The following RTTN variants were observed in gnomAD, a reference collection of about 807,000 sequenced individuals.
RTTN encodes rotatin.
RTTN carries 182 observed loss-of-function variants against 269.2 expected under a neutral mutation model. The observed-to-expected ratio is 0.68, with a 90% CI of 0.60 to 0.76. RTTN has a LOEUF of 0.76. Among genes scored for constraint, RTTN ranks in the 30% least tolerant of loss-of-function variants. The probability of loss-of-function intolerance (pLI) is 0.00; values close to 1 mark genes in which losing one functional copy is unlikely to be tolerated. For synonymous variants in RTTN, 1,006 were observed against 963.5 expected (o/e 1.04, Z -0.82); for missense variants, 2,545 against 2,608.6 (o/e 0.98, Z 0.53).
chr18:70,197,580 A>T, intron 6 of RTTN, 44 bp downstream of exon 6: 1 of 1,280,632 alleles, frequency 7.8e-7, no homozygotes, highest in South Asian at 1.2e-5. Context: ...TATTGCAAAA[A>T]GTTCTCTAGT....
At chr18:70,190,922 T>TCATG (rs1444858430) in intron 8 of RTTN, among the ~76,000 whole-genome samples, 1 of 152,140 alleles carries the variant, frequency 6.6e-6, no homozygotes, top group Non-Finnish European at 1.5e-5. Flanking sequence ...GAGTGGTGGC[T>TCATG]CATGCCTGTC....
At chr18:70,202,671 G>T (rs1475068382) in intron 3 of RTTN, among the ~76,000 whole-genome samples, 1 of 152,200 alleles carries the variant, frequency 6.6e-6, no homozygotes, top group Non-Finnish European at 1.5e-5. Flanking sequence ...AGGTTTGGGA[G>T]CCAGATAAAG....
At chr18:70,042,744 G>A (rs2057383445) in intron 40 of RTTN, among the ~76,000 whole-genome samples, 1 of 152,204 alleles carries the variant, frequency 6.6e-6, no homozygotes, top group Non-Finnish European at 1.5e-5. Flanking sequence ...AAATTCTGAA[G>A]TAAATGATTT....
chr18:70,011,580 A>AAC (rs2056373097), intron 46 of RTTN, among the ~76,000 whole-genome samples: 1 of 152,208 alleles, frequency 6.6e-6, no homozygotes, highest in African/African-American at 2.4e-5. Flanking sequence ...GTATTGATGC[A>AAC]ACATATCTCA....
chr18:70,201,699 T>C (rs2061956950), intron 4 of RTTN, among the ~76,000 whole-genome samples, 195 bp downstream of exon 4: 3 of 145,036 alleles, frequency 2.1e-5, no homozygotes, highest in Admixed American at 7.0e-5. Flanking sequence ...GTTGTTCAAA[T>C]ATGGTTAGAA....
chr18:70,073,520 G>A (rs527285285), intron 34 of RTTN, among the ~76,000 whole-genome samples: 14 of 152,118 alleles, frequency 9.2e-5, no homozygotes, highest in Non-Finnish European at 1.5e-4. Context: ...TAATACTAAC[G>A]AAAAACATAT....
rs1354818566 is a variant in RTTN, at chr18:70,054,131, C to T, written c.5185G>A (p.Asp1729Asn). Residue 1729 changes from aspartate to asparagine, a missense_variant and splice_region_variant, in exon 38 of 49, where the codon GAT becomes AAT. Asp to Asn is a conservative substitution (Grantham distance 23, BLOSUM62 1). Coordinates refer to ENST00000640769, the MANE Select transcript of RTTN (RefSeq NM_173630.4). ...TCTAAACTAAAACAATTAAGCTTACCTAATACATCTTTGGTACATATGGTG... is the reference window on the plus strand; with the variant it reads ...TCTAAACTAAAACAATTAAGCTTACTTAATACATCTTTGGTACATATGGTG... ...ILTICTKDVL[D>N]KELISAFYHT... 1 of 1,610,740 alleles carries T rather than the reference C, an allele frequency of 6.2e-7. No homozygotes were observed. The highest frequency in any genetic ancestry group is 1.1e-5 in the South Asian group (1 of 90,864).
intron 38 of RTTN, among the ~76,000 whole-genome samples, chr18:70,053,105 T>C (rs1052337240): frequency 2.6e-5 from 4 of 152,176 alleles, no homozygotes; most frequent in African/African-American, 9.6e-5. Context: ...GCTGCTGTCA[T>C]CTATTCACCA....
At chr18:70,138,966 A>C (rs1450919541) in intron 21 of RTTN, 5 of 149,664 alleles carry the variant, frequency 3.3e-5, no homozygotes, top group Non-Finnish European at 5.9e-5. Flanking sequence ...CTAAGAAAAA[A>C]AATAGTACAA....
chr18:70,112,482 G>GAAAAAAAAAAAAAA (rs1491239081), intron 27 of RTTN, among the ~76,000 whole-genome samples: 1 of 6,292 alleles, frequency 1.6e-4, no homozygotes, highest in East Asian at 0.012. Flanking sequence ...CAAATGGAAA[G>GAAAAAAAAAAAAAA]CAAAAAAAAA....
At chr18:70,024,047 T>G (rs1180042992) in intron 44 of RTTN, among the ~76,000 whole-genome samples, 1 of 152,218 alleles carries the variant, frequency 6.6e-6, no homozygotes, top group Non-Finnish European at 1.5e-5. Flanking sequence ...TCTCCCAAAG[T>G]GCTGGCATTA....
At chr18:70,176,262 G>GTATATGTATATGTAT (rs1383990687) in intron 11 of RTTN, among the ~76,000 whole-genome samples, 1 of 144,282 alleles carries the variant, frequency 6.9e-6, no homozygotes, top group African/African-American at 2.7e-5. Context: ...TATATGTATA[G>GTATATGTATATGTAT]ATAACAGCCA....
At chr18:70,139,877 A>G in intron 20 of RTTN, 161 bp from the exon 21 acceptor site, 1 of 621,692 alleles carries the variant, frequency 1.6e-6, no homozygotes, top group South Asian at 2.2e-5. Flanking sequence ...ACTGAAAGTA[A>G]GTTTCGTATA....
At chr18:70,190,238 T>C (rs1425090163) in intron 9 of RTTN, among the ~76,000 whole-genome samples, 1 of 143,868 alleles carries the variant, frequency 7.0e-6, no homozygotes, top group African/African-American at 2.6e-5. Context: ...AAGAAAAAAA[T>C]AGATGACAGC....
At chr18:70,163,780 T>C (rs990945684) in intron 14 of RTTN, among the ~76,000 whole-genome samples, 34 of 152,190 alleles carry the variant, frequency 2.2e-4, no homozygotes, top group African/African-American at 8.0e-4. Context: ...TTCCTTTAAG[T>C]GTCATTTCGG....
intron 35 of RTTN, 24 bp from the exon 36 acceptor site, chr18:70,060,066 A>C: frequency 6.4e-7 from 1 of 1,565,572 alleles, no homozygotes; most frequent in South Asian, 1.2e-5. Context: ...TAAACATAAG[A>C]ATTATTATTT....
chr18:70,166,131 G>A lies in RTTN; in HGVS notation c.1860C>T (p.Leu620=), dbSNP rs1469170747. The change falls in exon 14 of 49, where the codon CTC becomes CTT. Residue 620 remains leucine (L), a synonymous_variant. Transcript: ENST00000640769. ...GTGGCAATGGGTGAGACAACATATG[G>A]AGAAGCACCTTCTGACTTTCTCCTT... ...LLQGESQKVL[L]HMLSHPLPRV... The A allele has an allele frequency of 6.2e-7, 1 of 1,613,736 alleles. No individual in the cohort carries two copies. The highest frequency in any genetic ancestry group is 8.5e-7 in the Non-Finnish European group (1 of 1,179,730).
intron 28 of RTTN, among the ~76,000 whole-genome samples, chr18:70,108,993 CAG>C (rs2059393215): frequency 6.6e-6 from 1 of 151,966 alleles, no homozygotes; most frequent in Admixed American, 6.5e-5. Context: ...ATTTCAATAA[CAG>C]AAGATAAAAT....
At chr18:70,197,374 T>C (rs1023114409) in intron 6 of RTTN, among the ~76,000 whole-genome samples, 5 of 152,226 alleles carry the variant, frequency 3.3e-5, no homozygotes, top group Non-Finnish European at 5.9e-5. Context: ...TACTCTACCA[T>C]TTAGGTGATC....
Sources: gnomAD v4.1 joint callset for allele counts (sites outside exome capture counted in the v4.1 genomes callset) on GRCh38, gnomAD v4.1.1 for gene constraint, MANE v1.5 for transcripts, NCBI Gene and HGNC (gene_info 2026-07-23, HGNC 2026-07-21) for gene names.